Variants in ITPKB observed in about 807,000 individuals in gnomAD.
The protein encoded by ITPKB is inositol-trisphosphate 3-kinase B, also known as IP3 3-kinase B.
Under a neutral mutation model 69.4 loss-of-function variants are expected in ITPKB, and 13 were observed. The observed-to-expected ratio is 0.19, with a 90% confidence interval of 0.12 to 0.30. ITPKB has a LOEUF of 0.30. Ranked by LOEUF, ITPKB falls within the 10% of genes least tolerant of loss-of-function variation. The pLI, the probability that ITPKB is intolerant of heterozygous loss-of-function variation, is 1.00. For synonymous variants in ITPKB, 584 were observed against 513.7 expected, an observed-to-expected ratio of 1.14 and a Z score of -1.85; for missense variants, 1,240 against 1,250.5, an observed-to-expected ratio of 0.99 and a Z score of 0.13.
intron 2 of ITPKB, among the ~76,000 whole-genome samples, chr1:226,673,956 A>T (rs568661508): frequency 6.6e-6 from 1 of 152,214 alleles, no homozygotes; most frequent in African/African-American, 2.4e-5. Context: ...CTTCCCCATG[A>T]CTTTCATGGC....
chr1:226,726,098 T>C (rs1558098008), intron 2 of ITPKB, among the ~76,000 whole-genome samples: 1 of 152,184 alleles, frequency 6.6e-6, no homozygotes. Flanking sequence ...CACGTCTTAT[T>C]TGGACTCACA....
In ITPKB at chr1:226,634,925, G is replaced by T. The variant is rs528476238; in HGVS notation, c.2626-39C>A. On this transcript the variant is annotated intron_variant, in intron 7 of 7. Transcript: ENST00000429204. This position sits in a 1 kb window ranked among gnomAD's most constrained non-coding sequence, Gnocchi z 6.3. ...GGGGGTGAAGGGTGAGCTGAAGCCC[G>T]GGCCTCGCCCTCCCCACTGCGGCCC... The T allele has an allele frequency of 6.5e-7, 1 of 1,536,098 alleles. No homozygotes were observed. Among genetic ancestry groups the T allele is most frequent in the African/African-American group, 1.4e-5 (1 of 73,618 alleles).
chr1:226,736,733 G>A lies in ITPKB; in HGVS notation c.726C>T (p.Ala242=). ...GACCCTGAGCCTCTGATCCTGTAGG[G>A]GCAGCCCGGCCGGGAAGAGGTGGCA... is the stretch of plus-strand genomic sequence containing the variant. ...KGMPPLPGRA[A]PTGSEAQGPS... is the part of the protein sequence containing the mutation. The change falls in exon 2 of 8, where the codon GCC becomes GCT. Residue 242 remains alanine (A), a synonymous_variant. Coordinates refer to ENST00000429204, the MANE Select transcript of ITPKB (RefSeq NM_002221.4). 1 of 1,612,796 alleles carries A rather than the reference G, an allele frequency of 6.2e-7. No individual in the cohort carries two copies. The highest frequency in any genetic ancestry group is 8.5e-7 in the Non-Finnish European group (1 of 1,179,786).
chr1:226,736,588 G>T lies in ITPKB; in HGVS notation c.871C>A (p.Pro291Thr), dbSNP rs540281009. The T allele has an allele frequency of 6.2e-7, 1 of 1,613,900 alleles. No individual in the cohort carries two copies. The stretch of plus-strand genomic sequence containing the variant: ...CTAGCTCCGAACAGCCCCAATGAGG[G>T]AGCTAGGCAGCTCCGAGTTCCCGGG... Reference protein sequence around the residue: ...PTPGTRSCLAPSLGLFGASLT... With the variant: ...PTPGTRSCLATSLGLFGASLT... The change falls in exon 2 of 8, where the codon CCC becomes ACC. Residue 291 changes from proline (P) to threonine (T), a missense_variant. This residue lies in a region of ITPKB where 992 missense variants were observed against 853.8 expected (regional missense o/e 1.16). Transcript: ENST00000429204.
chr1:226,718,475 G>A (rs1213115604), intron 2 of ITPKB, among the ~76,000 whole-genome samples: 1 of 151,784 alleles, frequency 6.6e-6, no homozygotes, highest in Non-Finnish European at 1.5e-5. Context: ...CATACCTGTT[G>A]TCCTATAAAT....
At position 226,685,634 on chromosome 1, in the gene ITPKB, G is replaced by A. The variant is rs1187604877; in HGVS notation, c.1933-36863C>T. 3.9e-5 allele frequency among the ~76,000 whole-genome samples: 6 copies of A among 152,100 alleles called. No homozygotes were observed. The South Asian group carries it at 1.0e-3, about 26-fold the overall frequency. On this transcript the variant is annotated intron_variant, in intron 2 of 7. Coordinates refer to ENST00000429204, the MANE Select transcript of ITPKB (RefSeq NM_002221.4). ...GGCCTCCCTGCAGCCTCTACCCAAC[G>A]ACTCTGTGATCTGACTGCATGTCTC... is the stretch of plus-strand genomic sequence containing the variant.
At chr1:226,647,732 C>T (rs1317191208) in intron 3 of ITPKB, among the ~76,000 whole-genome samples, 4 of 152,248 alleles carry the variant, frequency 2.6e-5, no homozygotes, top group South Asian at 2.1e-4. Context: ...CCCTGCTTCT[C>T]GGCAACGAAG....
chr1:226,644,930 C>G (rs770089784), intron 4 of ITPKB, among the ~76,000 whole-genome samples: 1 of 152,188 alleles, frequency 6.6e-6, no homozygotes, highest in African/African-American at 2.4e-5. Flanking sequence ...AGCCTGGCAC[C>G]CCAGGGAAAT....
intron 2 of ITPKB, among the ~76,000 whole-genome samples, chr1:226,691,380 C>T (rs1656348449): frequency 6.6e-6 from 1 of 152,114 alleles, no homozygotes; most frequent in South Asian, 2.1e-4. Flanking sequence ...ATGACAGAGG[C>T]AGGAGCCGTG....
At position 226,734,977 on chromosome 1, in the gene ITPKB, AG is replaced by A. The variant is rs1345089859; in HGVS notation, c.1932+549del. Among the ~76,000 whole-genome samples the A allele has an allele frequency of 2.0e-5, 3 of 152,256 alleles. No homozygotes were observed. In the South Asian group the frequency reaches 6.2e-4, roughly 31 times the overall value. On this transcript the variant is annotated intron_variant, in intron 2 of 7. Coordinates refer to ENST00000429204, the MANE Select transcript of ITPKB (RefSeq NM_002221.4). ...GGTCTGGCTTAACTTACTGAGGCTC[AG>A]TGATTCCTCACCCAGTTGACTGGCC...
At chr1:226,645,501 G>A (rs1343674203) in intron 4 of ITPKB, among the ~76,000 whole-genome samples, 1 of 152,226 alleles carries the variant, frequency 6.6e-6, no homozygotes, top group African/African-American at 2.4e-5. Context: ...GGCTGGCTGT[G>A]TCTTTGGGAC....
chr1:226,735,464 T>C lies in ITPKB; in HGVS notation c.1932+63A>G, dbSNP rs952105571. ...TAGAAAGTTAAGAAAAAGGGATGCA[T>C]AGGGCATCAAAAGTCTGCTGAAATC... On this transcript the variant is annotated intron_variant, in intron 2 of 7. Coordinates refer to ENST00000429204, the MANE Select transcript of ITPKB (RefSeq NM_002221.4). 33 of 1,442,280 alleles carry C rather than the reference T, an allele frequency of 2.3e-5. 1 individual carries two copies. The highest frequency in any genetic ancestry group is 3.7e-4 in the Middle Eastern group (2 of 5,404). 89.3% of individuals were successfully genotyped at this position (1,442,280 alleles called of 1,614,324 possible).
intron 2 of ITPKB, among the ~76,000 whole-genome samples, chr1:226,671,162 A>C (rs1038445148): frequency 6.6e-6 from 1 of 152,334 alleles, no homozygotes; most frequent in African/African-American, 2.4e-5. Flanking sequence ...TGAAGACCCC[A>C]AGGATCTCTA....
intron 2 of ITPKB, among the ~76,000 whole-genome samples, chr1:226,699,338 C>T (rs955650): frequency 0.026 from 3,924 of 152,298 alleles, 165 homozygotes; most frequent in African/African-American, 0.089. Flanking sequence ...GGGCTGCTGA[C>T]GACACGGTCA....
chr1:226,649,007 G>A (rs906479342), intron 2 of ITPKB, among the ~76,000 whole-genome samples: 1 of 152,180 alleles, frequency 6.6e-6, no homozygotes, highest in Non-Finnish European at 1.5e-5. Context: ...TGTCCCAAGA[G>A]CAACGACCCC....
intron 2 of ITPKB, among the ~76,000 whole-genome samples, chr1:226,705,466 T>G (rs543783383): frequency 6.6e-6 from 1 of 151,544 alleles, no homozygotes; most frequent in South Asian, 2.1e-4. Flanking sequence ...GAGGCAGAGG[T>G]TGCGGTGAGC....
At chr1:226,676,245 G>A (rs1669732738) in intron 2 of ITPKB, 2 of 152,138 alleles carry the variant, frequency 1.3e-5, no homozygotes, top group Non-Finnish European at 2.9e-5. Context: ...GGTTGGTTTG[G>A]GATGGTGAAA....
intron 2 of ITPKB, among the ~76,000 whole-genome samples, chr1:226,689,535 T>C (rs538729751): frequency 9.2e-5 from 14 of 151,470 alleles, no homozygotes; most frequent in African/African-American, 3.4e-4. Context: ...GAGAAGGTTT[T>C]TGTGGGTTTT....
intron 5 of ITPKB, among the ~76,000 whole-genome samples, chr1:226,639,983 G>A (rs992817797): frequency 1.3e-5 from 2 of 152,166 alleles, no homozygotes; most frequent in African/African-American, 4.8e-5. Context: ...TGTCCTGGGT[G>A]CAACAGCAGG....
Sources: allele counts gnomAD v4.1 joint callset (sites outside exome capture counted in the v4.1 genomes callset), GRCh38; gene constraint gnomAD v4.1.1; regional missense constraint gnomAD v4.1.1; non-coding constraint Gnocchi (gnomAD v3.1); transcripts MANE v1.5; gene names NCBI Gene and HGNC (gene_info 2026-07-23, HGNC 2026-07-21).